Variants in CTIF observed in about 807,000 individuals in gnomAD.
The protein encoded by CTIF is cap binding complex dependent translation initiation factor.
CTIF carries 21 observed loss-of-function variants against 66.0 expected under a neutral mutation model. The observed-to-expected ratio is 0.32, with a 90% confidence interval of 0.23 to 0.46. The LOEUF is 0.46. CTIF is among the 20% of genes least tolerant of loss of function. The pLI is 1.00. For missense variants in CTIF, 739 were observed against 812.7 expected, an observed-to-expected ratio of 0.91 and a Z score of 1.10; for synonymous variants, 345 against 326.4, an observed-to-expected ratio of 1.06 and a Z score of -0.62.
intron 2 of CTIF, among the ~76,000 whole-genome samples, chr18:48,623,069 C>G (rs1598754138): frequency 6.6e-6 from 1 of 152,264 alleles, no homozygotes; most frequent in Non-Finnish European, 1.5e-5. Context: ...AGTCTGGGCT[C>G]TGTGCTTCTG....
chr18:48,846,458 G>A (rs1232278624), intron 10 of CTIF, among the ~76,000 whole-genome samples: 1 of 151,970 alleles, frequency 6.6e-6, no homozygotes, highest in Non-Finnish European at 1.5e-5. Context: ...TGGATGGATG[G>A]ATAGATGAGT....
chr18:48,814,988 C>T (rs2068332607), intron 9 of CTIF, among the ~76,000 whole-genome samples: 1 of 152,202 alleles, frequency 6.6e-6, no homozygotes, highest in South Asian at 2.1e-4. Context: ...GCTGCACTTA[C>T]AAGGGACCGT....
chr18:48,618,222 A>G (rs2090432468), intron 1 of CTIF, among the ~76,000 whole-genome samples: 1 of 152,242 alleles, frequency 6.6e-6, no homozygotes, highest in South Asian at 2.1e-4. Flanking sequence ...TCTCAGGGTT[A>G]AGGTTCTGAG....
intron 1 of CTIF, among the ~76,000 whole-genome samples, chr18:48,602,795 A>G (rs2090114322): frequency 6.6e-6 from 1 of 152,098 alleles, no homozygotes; most frequent in Non-Finnish European, 1.5e-5. Flanking sequence ...GGGTGGATGG[A>G]TGGGTGGGTG....
intron 1 of CTIF, chr18:48,539,775 G>A (rs763377495): frequency 1.0e-4 from 16 of 152,670 alleles, no homozygotes; most frequent in Non-Finnish European, 2.1e-4. Flanking sequence ...TTGCTGCATC[G>A]AGCAGTTGGT....
At chr18:48,580,372 A>G (rs16949542) in intron 1 of CTIF, among the ~76,000 whole-genome samples, 3,760 of 152,250 alleles carry the variant, frequency 0.025, 161 homozygotes, top group African/African-American at 0.085. Context: ...CTCCGTTCCA[A>G]GATATCTCTG....
At chr18:48,794,516 T>C (rs750058526) in intron 9 of CTIF, among the ~76,000 whole-genome samples, 14 of 152,036 alleles carry the variant, frequency 9.2e-5, no homozygotes, top group Admixed American at 3.9e-4. Context: ...CTCCCACAGA[T>C]GGGGTGGCTC....
intron 9 of CTIF, among the ~76,000 whole-genome samples, chr18:48,768,360 G>A (rs1909771458): frequency 6.6e-6 from 1 of 152,180 alleles, no homozygotes; most frequent in Non-Finnish European, 1.5e-5. Context: ...GGCTGTGGAA[G>A]GGAGGCATGG....
intron 9 of CTIF, among the ~76,000 whole-genome samples, chr18:48,808,486 T>C (rs922872555): frequency 6.6e-6 from 1 of 151,752 alleles, no homozygotes; most frequent in Non-Finnish European, 1.5e-5. Flanking sequence ...ATGTGAGAAA[T>C]ACTCTTTCAT....
At chr18:48,725,528 C>T (rs1399482652) in intron 7 of CTIF, among the ~76,000 whole-genome samples, 2 of 152,156 alleles carry the variant, frequency 1.3e-5, no homozygotes, top group Admixed American at 6.5e-5. Context: ...TGCCTTCCCA[C>T]CACCCCCTTA....
At position 48,758,272 on chromosome 18, in the gene CTIF, C is replaced by T. The variant is rs1029361999; in HGVS notation, c.938C>T (p.Pro313Leu). The part of the protein sequence containing the change: ...LAPVASERLP[P>L]QQSGGPEVET... ...CCGGTGGCTTCTGAGCGGCTGCCCCCACAGCAGTCAGGGGGGCCAGAGGTT... is the reference window on the plus strand; with the variant it reads ...CCGGTGGCTTCTGAGCGGCTGCCCCTACAGCAGTCAGGGGGGCCAGAGGTT... The change falls in exon 8 of 12, where the codon CCA (proline) becomes CTA (leucine). Residue 313 changes from proline to leucine, a missense_variant. Physicochemically the swap from Pro to Leu is moderately conservative, Grantham distance 98. This residue lies in a region of CTIF where 529 missense variants were observed against 520.3 expected (regional missense o/e 1.02). Coordinates refer to ENST00000256413, the MANE Select transcript of CTIF (RefSeq NM_014772.3). 4.3e-6 allele frequency: 7 copies of T among 1,613,520 alleles called. No homozygotes were observed. The highest frequency in any genetic ancestry group is 5.9e-6 in the Non-Finnish European group (7 of 1,179,882).
intron 6 of CTIF, among the ~76,000 whole-genome samples, chr18:48,695,414 A>G (rs1047339955): frequency 6.6e-6 from 1 of 152,144 alleles, no homozygotes; most frequent in Non-Finnish European, 1.5e-5. Flanking sequence ...ACACTTCTGG[A>G]TGGGCACTCG....
chr18:48,638,902 C>T (rs529077612), intron 3 of CTIF, among the ~76,000 whole-genome samples: 2 of 152,362 alleles, frequency 1.3e-5, no homozygotes, highest in South Asian at 2.1e-4. Flanking sequence ...CTGACATGCC[C>T]AGAGGCAAGG....
At chr18:48,774,268 C>G (rs147054531) in intron 9 of CTIF, among the ~76,000 whole-genome samples, 1 of 152,170 alleles carries the variant, frequency 6.6e-6, no homozygotes, top group South Asian at 2.1e-4. Flanking sequence ...CGGATACACT[C>G]GACCAGAAGC....
At chr18:48,772,702 G>T (rs1004766616) in intron 9 of CTIF, among the ~76,000 whole-genome samples, 2 of 152,050 alleles carry the variant, frequency 1.3e-5, no homozygotes, top group Non-Finnish European at 2.9e-5. Context: ...TCCATTTTAT[G>T]TCTATACCAC....
Position 48,833,463 on chromosome 18 carries a change from T to C in CTIF, c.1527+16087T>C, listed in dbSNP as rs554604624. ...AAGATGCCCTCTTTCCCATTTCCTC[T>C]CTCTAAATGCCCCCCTGCCCCCGCC... is the stretch of plus-strand genomic sequence containing the variant. On this transcript the variant is annotated intron_variant, in intron 10 of 11. Coordinates refer to ENST00000256413, the MANE Select transcript of CTIF (RefSeq NM_014772.3). 2.6e-5 allele frequency among the ~76,000 whole-genome samples: 4 copies of C among 152,016 alleles called. No individual in the cohort carries two copies. In the East Asian group the frequency reaches 7.7e-4, roughly 29 times the overall value.
intron 6 of CTIF, among the ~76,000 whole-genome samples, chr18:48,695,272 T>C (rs1202686513): frequency 6.6e-6 from 1 of 152,244 alleles, no homozygotes; most frequent in African/African-American, 2.4e-5. Flanking sequence ...TAAAGCCACA[T>C]TCATTATTCA....
intron 1 of CTIF, among the ~76,000 whole-genome samples, chr18:48,551,119 C>A (rs1314288628): frequency 6.7e-6 from 1 of 148,686 alleles, no homozygotes; most frequent in East Asian, 2.0e-4. Context: ...GAGAGTGGGC[C>A]CTAATCTAGT....
chr18:48,832,173 C>CTT (rs61221781), intron 10 of CTIF, among the ~76,000 whole-genome samples: 4 of 128,290 alleles, frequency 3.1e-5, no homozygotes, highest in Non-Finnish European at 3.2e-5. Context: ...CGTGGTCCTT[C>CTT]TTTTTTTTTT....
Sources: gnomAD v4.1 joint callset for allele counts (sites outside exome capture counted in the v4.1 genomes callset) on GRCh38, gnomAD v4.1.1 for gene constraint, gnomAD v4.1.1 regional missense constraint, MANE v1.5 for transcripts, NCBI Gene and HGNC (gene_info 2026-07-23, HGNC 2026-07-21) for gene names.